SORCS1: variants seen among roughly 807,000 people sequenced by gnomAD.
SORCS1 encodes the protein VPS10 domain-containing receptor SorCS1.
A neutral mutation model predicts 146.1 loss-of-function variants in SORCS1; 60 were observed. The observed-to-expected ratio is 0.41, with a 90% CI of 0.33 to 0.51. The LOEUF is 0.51. Among genes scored for constraint, SORCS1 ranks in the 20% least tolerant of loss-of-function variants. The pLI, the probability that SORCS1 is intolerant of heterozygous loss-of-function variation, is 0.21. For synonymous variants in SORCS1, 637 were observed against 584.0 expected, an observed-to-expected ratio of 1.09 and a Z score of -1.31; for missense variants, 1,352 against 1,487.6, an observed-to-expected ratio of 0.91 and a Z score of 1.50.
At chr10:107,068,816 G>GA (rs2134166832) in intron 1 of SORCS1, among the ~76,000 whole-genome samples, 1 of 146,360 alleles carries the variant, frequency 6.8e-6, no homozygotes, top group South Asian at 2.1e-4. Flanking sequence ...CTTGCAGTGA[G>GA]AAGAGATCGT....
intron 1 of SORCS1, among the ~76,000 whole-genome samples, chr10:107,106,716 C>T (rs1412264847): frequency 6.6e-6 from 1 of 151,154 alleles, no homozygotes; most frequent in African/African-American, 2.4e-5. Flanking sequence ...ATGTTTATGC[C>T]CTCCCCTCCC....
At chr10:106,855,066 A>T (rs1047630469) in intron 2 of SORCS1, among the ~76,000 whole-genome samples, 1 of 152,068 alleles carries the variant, frequency 6.6e-6, no homozygotes, top group African/African-American at 2.4e-5. Context: ...CCAGTAACAA[A>T]CTTCCTCAAC....
intron 7 of SORCS1, among the ~76,000 whole-genome samples, chr10:106,708,120 C>T (rs547990572): frequency 6.6e-6 from 1 of 152,250 alleles, no homozygotes; most frequent in South Asian, 2.1e-4. Flanking sequence ...CTGGGAGCAG[C>T]ACTGATACAG....
At chr10:106,634,412 C>G (rs763821528) in intron 18 of SORCS1, among the ~76,000 whole-genome samples, 1 of 152,158 alleles carries the variant, frequency 6.6e-6, no homozygotes, top group Non-Finnish European at 1.5e-5. Context: ...ATAGAAAGGA[C>G]AGATGTTATT....
intron 10 of SORCS1, among the ~76,000 whole-genome samples, chr10:106,682,065 T>A (rs996484665): frequency 1.3e-5 from 2 of 151,682 alleles, no homozygotes; most frequent in Non-Finnish European, 2.9e-5. Context: ...GAGGTGGAGG[T>A]TGCAGTTAGC....
chr10:106,776,779 A>G, intron 3 of SORCS1, 87 bp from the exon 4 acceptor site: 1 of 1,415,634 alleles, frequency 7.1e-7, no homozygotes, highest in Non-Finnish European at 9.6e-7. Context: ...ATTTTTGACA[A>G]GGGAAGGACA....
chr10:106,953,264 C>T (rs1190756614), intron 2 of SORCS1, among the ~76,000 whole-genome samples: 1 of 151,872 alleles, frequency 6.6e-6, no homozygotes, highest in Admixed American at 6.6e-5. Flanking sequence ...TCCGCAGATG[C>T]TCAAATTCCT....
chr10:106,608,993 C>T (rs1045094892), intron 22 of SORCS1, among the ~76,000 whole-genome samples: 2 of 152,166 alleles, frequency 1.3e-5, no homozygotes, highest in Admixed American at 1.3e-4. Context: ...GAAGACTCTG[C>T]CCATAGCCCT....
intron 1 of SORCS1, among the ~76,000 whole-genome samples, chr10:107,045,974 G>A (rs1488153591): frequency 2.0e-5 from 3 of 151,312 alleles, no homozygotes; most frequent in African/African-American, 4.9e-5. Flanking sequence ...TTGAAACGGA[G>A]TCTTGCTCTG....
intron 21 of SORCS1, among the ~76,000 whole-genome samples, chr10:106,616,983 T>C (rs1847411981): frequency 6.6e-6 from 1 of 151,006 alleles, no homozygotes; most frequent in Non-Finnish European, 1.5e-5. Flanking sequence ...AGATGGAGTT[T>C]CTCTCTTGTT....
chr10:107,046,938 C>T lies in SORCS1; in HGVS notation c.559-90358G>A, dbSNP rs1015262721. On this transcript the variant is annotated intron_variant, in intron 1 of 25. Coordinates refer to ENST00000263054, the MANE Select transcript of SORCS1 (RefSeq NM_052918.5). ...ACATATTTGGATTTCATAAAGTTTC[C>T]AGGAAAGGATCATCTGGCATTCTGT... is the stretch of plus-strand genomic sequence containing the variant. Among the ~76,000 whole-genome samples the T allele has an allele frequency of 3.3e-5, 5 of 152,118 alleles. No individual in the cohort carries two copies. The South Asian group carries it at 6.2e-4, about 19-fold the overall frequency.
chr10:106,604,418 A>G (rs893317501), intron 23 of SORCS1, among the ~76,000 whole-genome samples: 1 of 152,136 alleles, frequency 6.6e-6, no homozygotes, highest in African/African-American at 2.4e-5. Flanking sequence ...AGTTGATTTC[A>G]GGTGCATTTT....
chr10:107,052,844 G>T (rs1429186110), intron 1 of SORCS1, among the ~76,000 whole-genome samples: 1 of 151,954 alleles, frequency 6.6e-6, no homozygotes, highest in Non-Finnish European at 1.5e-5. Flanking sequence ...ATAGAAAAAG[G>T]CCTGAAATCC....
chr10:107,164,804 C>T (rs868176886), upstream of SORCS1, among the ~76,000 whole-genome samples: 1 of 148,074 alleles, frequency 6.8e-6, no homozygotes, highest in African/African-American at 2.4e-5. This position sits in a 1 kb window ranked among gnomAD's most constrained non-coding sequence, Gnocchi z 6.8. Flanking sequence ...GCGGGCGACG[C>T]GGGAGGGAGG....
intron 7 of SORCS1, among the ~76,000 whole-genome samples, chr10:106,708,899 T>A (rs955520409): frequency 5.3e-5 from 8 of 152,134 alleles, no homozygotes; most frequent in Admixed American, 5.2e-4. Flanking sequence ...TTCTTTGGAA[T>A]GCAGGTGTGG....
intron 3 of SORCS1, among the ~76,000 whole-genome samples, chr10:106,811,693 C>G (rs1050053762): frequency 6.6e-6 from 1 of 152,186 alleles, no homozygotes; most frequent in Non-Finnish European, 1.5e-5. Flanking sequence ...AACATTCAAG[C>G]AGCAGTACTC....
rs1182885119 is a variant in SORCS1 at position 107,117,471 on chromosome 10, G to GC, written c.558+46497dup. Among the ~76,000 whole-genome samples the GC allele has an allele frequency of 2.0e-5, 3 of 152,166 alleles. No homozygotes were observed. In the East Asian group the frequency reaches 5.8e-4, roughly 29 times the overall value. On this transcript the variant is annotated intron_variant, in intron 1 of 25. Transcript: ENST00000263054. ...CTCTTCTCAAAGCTGTGAGATCAGG[G>GC]CCCCCCAGAACTGTGAGGTCATGAG...
At chr10:106,594,408 T>C (rs188428375) in intron 24 of SORCS1, among the ~76,000 whole-genome samples, 27 of 152,326 alleles carry the variant, frequency 1.8e-4, no homozygotes, top group African/African-American at 6.0e-4. Context: ...TCTGGGTAAT[T>C]AACATATCCA....
intron 23 of SORCS1, among the ~76,000 whole-genome samples, chr10:106,604,280 T>C (rs1245142962): frequency 6.6e-6 from 1 of 152,166 alleles, no homozygotes; most frequent in Non-Finnish European, 1.5e-5. Flanking sequence ...ACTCCCTTTA[T>C]TTTTACCCAT....
Sources: allele counts gnomAD v4.1 joint callset (sites outside exome capture counted in the v4.1 genomes callset), GRCh38; gene constraint gnomAD v4.1.1; non-coding constraint Gnocchi (gnomAD v3.1); transcripts MANE v1.5; gene names NCBI Gene and HGNC (gene_info 2026-07-23, HGNC 2026-07-21).